Variants in LRRC7 observed in about 807,000 individuals in gnomAD.
LRRC7 encodes leucine rich repeat containing 7.
LRRC7 carries 23 observed loss-of-function variants against 175.7 expected under a neutral mutation model. The observed-to-expected ratio is 0.13, with a 90% CI of 0.09 to 0.19. The LOEUF is 0.19. Ranked by LOEUF, LRRC7 falls within the 10% of genes least tolerant of loss-of-function variation. The pLI, the probability that LRRC7 is intolerant of heterozygous loss-of-function variation, is 1.00. For synonymous variants in LRRC7, 685 were observed against 680.9 expected (o/e 1.01, Z -0.09); for missense variants, 1,354 against 1,904.7 (o/e 0.71, Z 5.38).
rs141750786 is a variant in LRRC7, at chr1:69,655,031, G to A, written c.3-23350G>A. On this transcript the variant is annotated intron_variant, in intron 1 of 26. Transcript: ENST00000651989. ...AAGCTGGTGCAATGTTCTATATCTC[G>A]AAGCTAATTTGTCTTATCCAACCAG... Among the ~76,000 whole-genome samples, 30 of 152,008 alleles carry A rather than the reference G, an allele frequency of 2.0e-4. No homozygotes were observed. In the East Asian group the frequency reaches 2.5e-3, roughly 13 times the overall value.
At chr1:69,649,900 A>G (rs1266035838) in intron 1 of LRRC7, among the ~76,000 whole-genome samples, 1 of 152,108 alleles carries the variant, frequency 6.6e-6, no homozygotes, top group Admixed American at 6.5e-5. Context: ...TTGGCCTTCA[A>G]TGACAGTCGC....
chr1:69,698,588 C>T (rs1384924425), intron 2 of LRRC7, among the ~76,000 whole-genome samples: 3 of 152,192 alleles, frequency 2.0e-5, no homozygotes, highest in African/African-American at 4.8e-5. Context: ...TAGTACCCTT[C>T]CTCACCCCTG....
At chr1:69,711,922 T>C (rs1027104466) in intron 2 of LRRC7, among the ~76,000 whole-genome samples, 2 of 152,144 alleles carry the variant, frequency 1.3e-5, no homozygotes, top group Admixed American at 1.3e-4. Context: ...GTTCAGGAAG[T>C]ATATGCTGGT....
At chr1:69,811,890 G>A (rs1455121032) in intron 4 of LRRC7, among the ~76,000 whole-genome samples, 1 of 152,062 alleles carries the variant, frequency 6.6e-6, no homozygotes, top group Non-Finnish European at 1.5e-5. Flanking sequence ...TGCACATTCT[G>A]TGCATGTATC....
At chr1:69,980,341 T>G (rs1653292775) in intron 8 of LRRC7, 38 bp from the exon 9 acceptor site, 1 of 1,482,426 alleles carries the variant, frequency 6.7e-7, no homozygotes, top group Non-Finnish European at 9.4e-7. Flanking sequence ...TAATTTAATT[T>G]TGTTTTCCTC....
rs529834087 is a variant in LRRC7 at position 70,126,245 on chromosome 1, A to C, written c.*4358A>C. ...TTCGATCAAACAACATATTTGACTA[A>C]TTTGTGATATGCCGACCAAACAGCA... On this transcript the variant is annotated 3_prime_UTR_variant, in exon 27 of 27. Coordinates refer to ENST00000651989, the MANE Select transcript of LRRC7 (RefSeq NM_001370785.2). 1.2e-4 allele frequency among the ~76,000 whole-genome samples: 18 copies of C among 152,166 alleles called. No individual in the cohort carries two copies. Among genetic ancestry groups the C allele is most frequent in the Non-Finnish European group, 2.5e-4 (17 of 68,030 alleles).
intron 20 of LRRC7, among the ~76,000 whole-genome samples, 179 bp downstream of exon 20, chr1:70,036,803 A>G (rs926110536): frequency 3.9e-5 from 6 of 152,182 alleles, no homozygotes; most frequent in African/African-American, 1.4e-4. Flanking sequence ...TCCACCTTAC[A>G]GGGAGAGGCC....
intron 1 of LRRC7, chr1:69,606,757 G>C (rs1334434213): frequency 6.6e-6 from 1 of 152,076 alleles, no homozygotes; most frequent in Non-Finnish European, 1.5e-5. Flanking sequence ...TGAGCAATAT[G>C]GGGGAGGGGG....
At chr1:69,617,465 T>A (rs1649813867) in intron 1 of LRRC7, among the ~76,000 whole-genome samples, 1 of 148,620 alleles carries the variant, frequency 6.7e-6, no homozygotes, top group Admixed American at 6.8e-5. Context: ...TTGGGAGTCA[T>A]TTATAAGAAG....
intron 25 of LRRC7, among the ~76,000 whole-genome samples, chr1:70,098,480 C>T (rs1347734672): frequency 1.4e-5 from 2 of 146,422 alleles, no homozygotes; most frequent in Non-Finnish European, 3.0e-5. Context: ...CAGAGCAGAA[C>T]TAAAGGAAAT....
chr1:69,909,205 G>A (rs1276143672), intron 7 of LRRC7, among the ~76,000 whole-genome samples: 1 of 151,930 alleles, frequency 6.6e-6, no homozygotes, highest in Admixed American at 6.6e-5. Context: ...CACACTGATG[G>A]GTCTTGACTC....
intron 2 of LRRC7, among the ~76,000 whole-genome samples, chr1:69,735,291 C>T (rs995935354): frequency 6.6e-6 from 1 of 152,024 alleles, no homozygotes; most frequent in Non-Finnish European, 1.5e-5. Context: ...TCAGTGTTCA[C>T]GCTACAGTAG....
At chr1:69,691,383 T>C (rs11209521) in intron 2 of LRRC7, among the ~76,000 whole-genome samples, 2,129 of 152,254 alleles carry the variant, frequency 0.014, 49 homozygotes, top group African/African-American at 0.049. Context: ...GAGTTGTAAA[T>C]TGCTTAAGGG....
At chr1:69,908,722 G>T (rs921548097) in intron 7 of LRRC7, among the ~76,000 whole-genome samples, 2 of 81,388 alleles carry the variant, frequency 2.5e-5, no homozygotes, top group South Asian at 5.1e-4. Flanking sequence ...TGTGTGGTGT[G>T]GTGCTGAAAA....
At chr1:69,704,706 T>C (rs1663802017) in intron 2 of LRRC7, among the ~76,000 whole-genome samples, 1 of 152,016 alleles carries the variant, frequency 6.6e-6, no homozygotes. Flanking sequence ...TTTTATTTTC[T>C]TCATAAATCT....
intron 1 of LRRC7, among the ~76,000 whole-genome samples, chr1:69,657,683 G>C (rs978016522): frequency 2.0e-5 from 3 of 151,872 alleles, no homozygotes; most frequent in Non-Finnish European, 4.4e-5. Flanking sequence ...GAAAGCATAG[G>C]AAGAAAGGAA....
intron 1 of LRRC7, among the ~76,000 whole-genome samples, chr1:69,611,881 T>C (rs923275049): frequency 3.3e-5 from 5 of 152,058 alleles, no homozygotes; most frequent in East Asian, 1.9e-4. Context: ...CAGCTGGAAA[T>C]GTGCACATCG....
intron 8 of LRRC7, among the ~76,000 whole-genome samples, chr1:69,944,600 C>A (rs1649104106): frequency 1.3e-5 from 2 of 151,958 alleles, no homozygotes; most frequent in Non-Finnish European, 2.9e-5. Context: ...TCCATAATGA[C>A]AGCACCATTT....
chr1:69,817,509 A>T (rs570204913), intron 4 of LRRC7, among the ~76,000 whole-genome samples: 1 of 152,024 alleles, frequency 6.6e-6, no homozygotes, highest in Admixed American at 6.6e-5. Context: ...TTGTGCCAAT[A>T]TCAGCCCGTT....
Sources: allele counts gnomAD v4.1 joint callset (sites outside exome capture counted in the v4.1 genomes callset), GRCh38; gene constraint gnomAD v4.1.1; transcripts MANE v1.5; gene names NCBI Gene and HGNC (gene_info 2026-07-23, HGNC 2026-07-21).